Variants in VAMP7 observed in about 807,000 individuals in gnomAD.
VAMP7 encodes vesicle associated membrane protein 7.
VAMP7 carries 14 observed loss-of-function variants against 29.6 expected under a neutral mutation model. That is an observed-to-expected ratio of 0.47 (90% CI 0.31 to 0.74). VAMP7 has a LOEUF of 0.74. VAMP7 is among the 30% of genes least tolerant of loss of function. The probability of loss-of-function intolerance (pLI) is 0.05; values close to 1 mark genes in which losing one functional copy is unlikely to be tolerated. For synonymous variants in VAMP7, 95 were observed against 88.1 expected (o/e 1.08, Z -0.44); for missense variants, 223 against 262.4 (o/e 0.85, Z 1.04).
At chrX:155,931,619 G>A (rs1393262076) in intron 6 of VAMP7, among the ~76,000 whole-genome samples, 1 of 152,156 alleles carries the variant, frequency 6.6e-6, no homozygotes. Flanking sequence ...TTAGCCCTTT[G>A]TCAGATGAGT....
At chrX:155,901,408 C>A (rs1268626043) in intron 5 of VAMP7, among the ~76,000 whole-genome samples, 1 of 151,906 alleles carries the variant, frequency 6.6e-6, no homozygotes, top group Non-Finnish European at 1.5e-5. Flanking sequence ...TGGAGGCAGA[C>A]AATTGCTACA....
rs369118724 is a variant in VAMP7, at chrX:155,889,072, G to C, written c.-9-386G>C. Reference sequence around the variant, plus strand: ...AACTTCTGTTGAACTATTTCTCTAGGATAAATTTTCAGGATGGAATTTCTA... The same window carrying C: ...AACTTCTGTTGAACTATTTCTCTAGCATAAATTTTCAGGATGGAATTTCTA... On this transcript the variant is annotated intron_variant, in intron 1 of 7. Transcript: ENST00000286448. Among the ~76,000 whole-genome samples, 167 of 152,136 alleles carry C rather than the reference G, an allele frequency of 1.1e-3. 1 individual carries two copies. Among genetic ancestry groups the C allele is most frequent in the African/African-American group, 3.5e-3 (146 of 41,500 alleles).
rs181321170 is a variant in VAMP7, at chrX:155,884,635, G to A, written c.-10+3187G>A. Among the ~76,000 whole-genome samples, 281 of 152,280 alleles carry A rather than the reference G, an allele frequency of 1.8e-3. 1 individual carries two copies. The highest frequency in any genetic ancestry group is 6.6e-3 in the African/African-American group (274 of 41,564). Reference sequence around the variant, plus strand: ...GCATTGTTATTTTAGGTGATTTATTGACACCTATTTCTTTATAGACAGGAA... The same window carrying A: ...GCATTGTTATTTTAGGTGATTTATTAACACCTATTTCTTTATAGACAGGAA... On this transcript the variant is annotated intron_variant, in intron 1 of 7. Coordinates refer to ENST00000286448, the MANE Select transcript of VAMP7 (RefSeq NM_005638.6).
intron 6 of VAMP7, among the ~76,000 whole-genome samples, chrX:155,934,462 C>G (rs1462624200): frequency 2.6e-5 from 4 of 152,140 alleles, no homozygotes; most frequent in Admixed American, 2.6e-4. Flanking sequence ...TAATGGCCTT[C>G]TTTGTCTCTT....
At chrX:155,935,510 C>T (rs1372833773) in intron 6 of VAMP7, among the ~76,000 whole-genome samples, 1 of 152,138 alleles carries the variant, frequency 6.6e-6, no homozygotes, top group Non-Finnish European at 1.5e-5. Flanking sequence ...GAAGTTTGTG[C>T]ATTCGTCACT....
intron 5 of VAMP7, among the ~76,000 whole-genome samples, chrX:155,918,363 A>T (rs1447862678): frequency 6.6e-6 from 1 of 151,948 alleles, no homozygotes; most frequent in African/African-American, 2.4e-5. Flanking sequence ...ATGAAAAAAA[A>T]ACTCCTGCAG....
chrX:155,927,333 C>T (rs1313685868), intron 6 of VAMP7, among the ~76,000 whole-genome samples: 3 of 150,460 alleles, frequency 2.0e-5, no homozygotes, highest in African/African-American at 4.9e-5. Context: ...GAAACCTGCA[C>T]GTTCTGCACA....
chrX:155,900,696 A>G, intron 5 of VAMP7, 109 bp downstream of exon 5: 1 of 884,016 alleles, frequency 1.1e-6, no homozygotes, highest in South Asian at 1.8e-5. Flanking sequence ...TATTCTTACC[A>G]TTGGAAGTTA....
chrX:155,914,158 T>A (rs1160677944), intron 5 of VAMP7, among the ~76,000 whole-genome samples: 1 of 152,014 alleles, frequency 6.6e-6, no homozygotes, highest in Admixed American at 6.6e-5. Flanking sequence ...TTTGGCTCTC[T>A]GTTTGTCTTT....
intron 6 of VAMP7, among the ~76,000 whole-genome samples, chrX:155,926,083 G>A (rs1446342276): frequency 6.6e-6 from 1 of 152,152 alleles, no homozygotes; most frequent in Non-Finnish European, 1.5e-5. Flanking sequence ...CAAGAGCACA[G>A]GCAGAGTATA....
chrX:155,884,444 C>A (rs1162726959), intron 1 of VAMP7, among the ~76,000 whole-genome samples: 1 of 152,184 alleles, frequency 6.6e-6, no homozygotes, highest in Non-Finnish European at 1.5e-5. Flanking sequence ...AAGTCTTATT[C>A]CATGCAGGTA....
chrX:155,920,248 C>G (rs1273322739), intron 6 of VAMP7, among the ~76,000 whole-genome samples: 1 of 152,150 alleles, frequency 6.6e-6, no homozygotes, highest in Non-Finnish European at 1.5e-5. Flanking sequence ...CAGTATGAAT[C>G]TTGAAAACTG....
chrX:155,912,363 C>A (rs746584408), intron 5 of VAMP7, among the ~76,000 whole-genome samples: 1 of 151,892 alleles, frequency 6.6e-6, no homozygotes, highest in Admixed American at 6.6e-5. Context: ...CACATTTGCT[C>A]TTTTTTTATT....
chrX:155,892,642 C>G (rs1036596961), intron 2 of VAMP7, among the ~76,000 whole-genome samples: 11 of 152,090 alleles, frequency 7.2e-5, no homozygotes, highest in Non-Finnish European at 1.6e-4. Flanking sequence ...TTTCCAGAAA[C>G]CCCTGAACAT....
intron 6 of VAMP7, among the ~76,000 whole-genome samples, chrX:155,938,979 T>G (rs2066703173): frequency 6.6e-6 from 1 of 152,242 alleles, no homozygotes; most frequent in Non-Finnish European, 1.5e-5. Flanking sequence ...CTGTAATTTA[T>G]GCATTGCACA....
At chrX:155,919,435 C>T (rs1449475075) in intron 5 of VAMP7, among the ~76,000 whole-genome samples, 1 of 152,096 alleles carries the variant, frequency 6.6e-6, no homozygotes, top group Non-Finnish European at 1.5e-5. Context: ...TTTAGATTTG[C>T]TTTAATATGC....
chrX:155,906,818 T>A (rs6642374), intron 5 of VAMP7, among the ~76,000 whole-genome samples: 98,028 of 151,994 alleles, frequency 0.64, 32,061 homozygotes, highest in African/African-American at 0.76. Context: ...TTATTGCTTA[T>A]TTGCCCTAGC....
At chrX:155,928,705 A>T (rs1029664150) in intron 6 of VAMP7, among the ~76,000 whole-genome samples, 2 of 152,124 alleles carry the variant, frequency 1.3e-5, no homozygotes, top group Non-Finnish European at 2.9e-5. Flanking sequence ...ATAATATCAC[A>T]TATGTCACAT....
At chrX:155,925,917 A>G (rs940533564) in intron 6 of VAMP7, among the ~76,000 whole-genome samples, 3 of 152,136 alleles carry the variant, frequency 2.0e-5, no homozygotes, top group Non-Finnish European at 4.4e-5. Context: ...ATCTCCTCGT[A>G]AGTCTCCATC....
Sources: gnomAD v4.1 joint callset for allele counts (sites outside exome capture counted in the v4.1 genomes callset) on GRCh38, gnomAD v4.1.1 for gene constraint, MANE v1.5 for transcripts, NCBI Gene and HGNC (gene_info 2026-07-23, HGNC 2026-07-21) for gene names.